LRRTM4: variants seen among roughly 807,000 people sequenced by gnomAD.
The protein encoded by LRRTM4 is leucine-rich repeat transmembrane neuronal protein 4.
LRRTM4 carries 25 observed loss-of-function variants against 47.6 expected under a neutral mutation model. The ratio of observed to expected loss-of-function variants is 0.53; its 90% CI spans 0.38 to 0.73. The LOEUF (loss-of-function observed/expected upper bound fraction) is 0.73, where lower values mean the gene tolerates loss of function less well. LRRTM4 is among the 30% of genes least tolerant of loss of function. The pLI is 0.00. For synonymous variants in LRRTM4, 311 were observed against 269.5 expected (o/e 1.15, Z -1.51); for missense variants, 638 against 713.4 (o/e 0.89, Z 1.20).
intron 3 of LRRTM4, among the ~76,000 whole-genome samples, chr2:77,450,620 T>C (rs1233464189): frequency 1.3e-5 from 2 of 152,100 alleles, no homozygotes; most frequent in African/African-American, 4.8e-5. Context: ...TCTCTAGATT[T>C]CAGAGTTGAA....
At chr2:77,077,471 G>A (rs1680375529) in intron 3 of LRRTM4, among the ~76,000 whole-genome samples, 2 of 152,080 alleles carry the variant, frequency 1.3e-5, no homozygotes, top group African/African-American at 4.8e-5. Flanking sequence ...GAAATGTTGG[G>A]AAATTTTGGT....
At chr2:76,897,027 C>T (rs1673439655) in intron 3 of LRRTM4, among the ~76,000 whole-genome samples, 1 of 152,026 alleles carries the variant, frequency 6.6e-6, no homozygotes, top group South Asian at 2.1e-4. Flanking sequence ...GGAAGCCCAG[C>T]ATACTTTGTA....
intron 3 of LRRTM4, among the ~76,000 whole-genome samples, chr2:77,024,756 T>A (rs1365366953): frequency 6.6e-6 from 1 of 152,158 alleles, no homozygotes; most frequent in African/African-American, 2.4e-5. Flanking sequence ...TCAAATTTAA[T>A]ATGCTTGTAA....
chr2:76,904,368 TGACA>T (rs1198345689), intron 3 of LRRTM4, among the ~76,000 whole-genome samples: 1 of 152,230 alleles, frequency 6.6e-6, no homozygotes, highest in Non-Finnish European at 1.5e-5. Context: ...GAAGAAACAA[TGACA>T]GACAGAGTGG....
intron 3 of LRRTM4, among the ~76,000 whole-genome samples, chr2:76,961,809 A>G (rs1006287469): frequency 1.3e-5 from 2 of 151,358 alleles, no homozygotes; most frequent in African/African-American, 2.4e-5. Flanking sequence ...TATTTTCAAC[A>G]AATTTTAATT....
At chr2:77,093,726 C>T (rs1324187964) in intron 3 of LRRTM4, among the ~76,000 whole-genome samples, 8 of 152,068 alleles carry the variant, frequency 5.3e-5, no homozygotes, top group Admixed American at 5.2e-4. Flanking sequence ...ACATATACGC[C>T]CAGATGGCCT....
At chr2:77,254,228 A>G (rs1360337638) in intron 3 of LRRTM4, among the ~76,000 whole-genome samples, 1 of 152,004 alleles carries the variant, frequency 6.6e-6, no homozygotes, top group East Asian at 1.9e-4. Flanking sequence ...ATCAGAAATC[A>G]TAAAGGCAAA....
intron 3 of LRRTM4, among the ~76,000 whole-genome samples, chr2:77,019,253 C>CAAA (rs56028060): frequency 0.28 from 22,126 of 79,272 alleles, 2,908 homozygotes; most frequent in East Asian, 0.51. Context: ...CACTGCTCTA[C>CAAA]AAAAAAAAAA....
intron 3 of LRRTM4, among the ~76,000 whole-genome samples, chr2:77,161,312 C>A (rs1295037815): frequency 6.6e-6 from 1 of 152,144 alleles, no homozygotes; most frequent in South Asian, 2.1e-4. Flanking sequence ...TTGTGACTCA[C>A]CTCCTTTCTC....
intron 3 of LRRTM4, among the ~76,000 whole-genome samples, chr2:76,809,565 A>T (rs559346194): frequency 6.6e-6 from 1 of 152,172 alleles, no homozygotes; most frequent in African/African-American, 2.4e-5. Context: ...GCAATCACTA[A>T]TTCTTGTCTT....
chr2:77,263,290 T>C (rs1675967238), intron 3 of LRRTM4, among the ~76,000 whole-genome samples: 1 of 152,050 alleles, frequency 6.6e-6, no homozygotes, highest in Non-Finnish European at 1.5e-5. Context: ...CCTATTTACG[T>C]CCTTTGCAAT....
intron 3 of LRRTM4, among the ~76,000 whole-genome samples, chr2:76,792,693 T>G (rs1675040552): frequency 6.6e-6 from 1 of 152,082 alleles, no homozygotes; most frequent in Non-Finnish European, 1.5e-5. Context: ...CTTATAGACT[T>G]GTAGAATTCT....
In LRRTM4 at chr2:77,518,987, C is replaced by A; in HGVS notation, c.882G>T (p.Gln294His). 1 of 1,611,902 alleles carries A rather than the reference C, an allele frequency of 6.2e-7. No individual in the cohort carries two copies. The highest frequency in any genetic ancestry group is 2.2e-5 in the East Asian group (1 of 44,764). Residue 294 changes from glutamine (Q) to histidine (H), a missense_variant, in exon 3 of 4, where the codon CAG (glutamine) becomes CAT (histidine). Transcript: ENST00000409884. The part of the protein sequence containing the change: ...LDSNKLTNIS[Q>H]ETVNAWISLI... ...ATGATATCCACGCATTGACAGTTTC[C>A]TGTGAGATATTGGTGAGCTTGTTGG...
In LRRTM4 at chr2:77,073,104, C is replaced by G. The variant is rs1048712761; in HGVS notation, c.1552-324188G>C. 3.3e-5 allele frequency among the ~76,000 whole-genome samples: 5 copies of G among 151,780 alleles called. No individual in the cohort carries two copies. The East Asian group carries it at 9.7e-4, about 29-fold the overall frequency. On this transcript the variant is annotated intron_variant, in intron 3 of 3. Coordinates refer to ENST00000409884, the MANE Select transcript of LRRTM4 (RefSeq NM_001134745.3). The stretch of plus-strand genomic sequence containing the variant: ...CAGAATCTGCATTTGAACAAGATCT[C>G]CAGGTGATTCATACACCTGCTATGT...
chr2:76,807,382 T>TTATATATATATA (rs72365054), intron 3 of LRRTM4, among the ~76,000 whole-genome samples: 3 of 126,890 alleles, frequency 2.4e-5, no homozygotes, highest in Non-Finnish European at 4.9e-5. Context: ...AACATTCATT[T>TTATATATATATA]TATATATATA....
At chr2:77,011,308 A>G (rs527239447) in intron 3 of LRRTM4, among the ~76,000 whole-genome samples, 2 of 152,276 alleles carry the variant, frequency 1.3e-5, no homozygotes, top group African/African-American at 4.8e-5. Flanking sequence ...TTGTACTCAT[A>G]TCTTAATTCA....
intron 3 of LRRTM4, among the ~76,000 whole-genome samples, chr2:77,076,378 T>A (rs1262821947): frequency 6.6e-6 from 1 of 151,856 alleles, no homozygotes; most frequent in Non-Finnish European, 1.5e-5. Flanking sequence ...CCTAATGGAA[T>A]GTAATTTAGT....
intron 3 of LRRTM4, among the ~76,000 whole-genome samples, chr2:77,326,835 C>T (rs1670795278): frequency 6.6e-6 from 1 of 152,194 alleles, no homozygotes; most frequent in Non-Finnish European, 1.5e-5. Context: ...ACTTTCCCTT[C>T]CTCTGTTGCC....
chr2:77,198,161 T>C (rs915904756), intron 3 of LRRTM4, among the ~76,000 whole-genome samples: 23 of 152,176 alleles, frequency 1.5e-4, no homozygotes, highest in African/African-American at 5.5e-4. Context: ...CTACAAGACC[T>C]TGGGCGACTG....
Sources: gnomAD v4.1 joint callset for allele counts (sites outside exome capture counted in the v4.1 genomes callset) on GRCh38, gnomAD v4.1.1 for gene constraint, MANE v1.5 for transcripts, NCBI Gene and HGNC (gene_info 2026-07-23, HGNC 2026-07-21) for gene names.